The following PHF21B variants were observed in gnomAD, a reference collection of about 807,000 sequenced individuals.
The protein encoded by PHF21B is PHD finger protein 4.
A neutral mutation model predicts 62.2 loss-of-function variants in PHF21B; 22 were observed. That is an observed-to-expected ratio of 0.35 (90% CI 0.25 to 0.51). PHF21B has a LOEUF of 0.51. PHF21B is among the 20% of genes least tolerant of loss of function. The pLI, the probability that PHF21B is intolerant of heterozygous loss-of-function variation, is 0.97. For synonymous variants in PHF21B, 341 were observed against 314.7 expected, an observed-to-expected ratio of 1.08 and a Z score of -0.88; for missense variants, 701 against 707.9, an observed-to-expected ratio of 0.99 and a Z score of 0.11.
intron 2 of PHF21B, among the ~76,000 whole-genome samples, chr22:45,007,069 CT>C (rs2073327992): frequency 6.6e-6 from 1 of 151,796 alleles, no homozygotes; most frequent in Non-Finnish European, 1.5e-5. Context: ...GGAATGGAAG[CT>C]TCCACTCCCG....
intron 3 of PHF21B, among the ~76,000 whole-genome samples, chr22:44,917,506 C>A: frequency 6.6e-6 from 1 of 152,230 alleles, no homozygotes; most frequent in Middle Eastern, 3.4e-3. Flanking sequence ...GGGAGGTCCA[C>A]GCCAATATTA....
rs1036349236 is a variant in PHF21B, at chr22:44,885,519, C to G, written c.1284G>C (p.Glu428Asp). 3 of 1,594,352 alleles carry G rather than the reference C, an allele frequency of 1.9e-6. No individual in the cohort carries two copies. The African/African-American group carries it at 4.0e-5, about 21-fold the overall frequency. Residue 428 changes from glutamate to aspartate, a missense_variant, in exon 12 of 13, where the codon GAG (glutamate) becomes GAC (aspartate). By Grantham distance (45) the Glu-to-Asp change is conservative. Coordinates refer to ENST00000313237, the MANE Select transcript of PHF21B (RefSeq NM_138415.5). Reference protein sequence around the residue: ...SYVTHKTVKEEEKQKLLQRGS... With the variant: ...SYVTHKTVKEDEKQKLLQRGS... ...CTCGTTGCAGCAGCTTCTGCTTCTCCTCTTCTTTGACTAGAAAAGAGAAGG... is the reference window on the plus strand; with the variant it reads ...CTCGTTGCAGCAGCTTCTGCTTCTCGTCTTCTTTGACTAGAAAAGAGAAGG...
intron 2 of PHF21B, among the ~76,000 whole-genome samples, chr22:44,982,025 G>C (rs111439989): frequency 1.3e-5 from 2 of 152,200 alleles, no homozygotes; most frequent in East Asian, 3.9e-4. Flanking sequence ...TGGCAAATGC[G>C]GTTTCCCCAT....
chr22:45,009,167 G>A lies in PHF21B; in HGVS notation c.54+329C>T. 2.2e-6 allele frequency: 1 copy of A among 457,694 alleles called. No homozygotes were observed. 28.4% of individuals were successfully genotyped at this position (457,694 alleles called of 1,614,324 possible). A position where few individuals can be genotyped will look rare whatever the true frequency, so the allele number is the denominator to read the frequency against. On this transcript the variant is annotated intron_variant, in intron 1 of 12. Transcript: ENST00000313237. The surrounding 1 kb of genome is among the most constrained non-coding windows in gnomAD (Gnocchi z 5.9). ...GGGGAGGCCGGAAGGGGGCCTATTC[G>A]CACTCCCCTCCCCGGGACCGGCTCA...
At chr22:45,001,584 T>C (rs865919938) in intron 2 of PHF21B, among the ~76,000 whole-genome samples, 36 of 152,206 alleles carry the variant, frequency 2.4e-4, no homozygotes, top group African/African-American at 8.4e-4. Flanking sequence ...CTGTGGGCTA[T>C]ATCAAGTGAA....
chr22:45,005,588 C>T (rs749294968), intron 2 of PHF21B, among the ~76,000 whole-genome samples: 3 of 152,168 alleles, frequency 2.0e-5, no homozygotes, highest in Non-Finnish European at 4.4e-5. Flanking sequence ...AGAAAAACAT[C>T]GCGCTAAGGG....
At chr22:44,883,455 T>C in intron 12 of PHF21B, 151 bp from the exon 13 acceptor site, 1 of 692,824 alleles carries the variant, frequency 1.4e-6, no homozygotes, top group East Asian at 2.8e-5. Flanking sequence ...GTGGTGCAAA[T>C]GCAATTAAAG....
rs143751802 is a variant in PHF21B, at chr22:44,975,984, A to G, written c.120+32561T>C. Among the ~76,000 whole-genome samples the G allele has an allele frequency of 6.7e-4, 102 of 152,364 alleles. 1 individual carries two copies. The East Asian group carries it at 0.018, about 27-fold the overall frequency. On this transcript the variant is annotated intron_variant, in intron 2 of 12. Coordinates refer to ENST00000313237, the MANE Select transcript of PHF21B (RefSeq NM_138415.5). ...AGAGTTCGAGACCAGCCTGGGCAAC[A>G]TGGCGAAACCTCATCTCTACAAAAA...
chr22:44,943,194 A>G (rs912449732), intron 2 of PHF21B, among the ~76,000 whole-genome samples: 2 of 152,122 alleles, frequency 1.3e-5, no homozygotes, highest in East Asian at 1.9e-4. Context: ...CGCTCCCCCA[A>G]GCCTGGAGAA....
chr22:44,996,795 T>C (rs1271327264), intron 2 of PHF21B, among the ~76,000 whole-genome samples: 1 of 151,710 alleles, frequency 6.6e-6, no homozygotes, highest in Non-Finnish European at 1.5e-5. Flanking sequence ...CACACACACA[T>C]GCATACATGC....
chr22:44,920,472 C>T lies in PHF21B; in HGVS notation c.139G>A (p.Ala47Thr), dbSNP rs774894427. 2 of 1,612,060 alleles carry T rather than the reference C, an allele frequency of 1.2e-6. No homozygotes were observed. Among genetic ancestry groups the T allele is most frequent in the Non-Finnish European group, 1.7e-6 (2 of 1,178,834 alleles). ...SDKQALGTIT[A>T]VPVTGPQVSS... ...ACCTGAGGACCCGTGACAGGCACTG[C>T]AGTGATCGTTCCCAAAGCCTGAAAC... The change falls in exon 3 of 13, where the codon GCA becomes ACA. Residue 47 changes from alanine (A) to threonine (T), a missense_variant. By Grantham distance (58) the Ala-to-Thr change is moderately conservative. Coordinates refer to ENST00000313237, the MANE Select transcript of PHF21B (RefSeq NM_138415.5).
intron 2 of PHF21B, 75 bp downstream of exon 2, chr22:45,008,470 C>T: frequency 7.1e-7 from 1 of 1,407,152 alleles, no homozygotes; most frequent in Non-Finnish European, 9.5e-7. Flanking sequence ...CAGGCTGGCA[C>T]TTTTTAGGGC....
At chr22:44,918,819 A>G (rs533119159) in intron 3 of PHF21B, among the ~76,000 whole-genome samples, 1 of 152,348 alleles carries the variant, frequency 6.6e-6, no homozygotes, top group East Asian at 1.9e-4. Flanking sequence ...GCAGAGGGAA[A>G]TAGCACTGGC....
chr22:45,008,874 A>T (rs2073375232), intron 1 of PHF21B: 2 of 1,166,810 alleles, frequency 1.7e-6, no homozygotes, highest in Admixed American at 4.7e-5. Flanking sequence ...CGAGCCGTGC[A>T]AGTTTGCAGG....
intron 2 of PHF21B, among the ~76,000 whole-genome samples, chr22:44,973,749 G>A (rs2072683645): frequency 6.6e-6 from 1 of 152,202 alleles, no homozygotes; most frequent in Admixed American, 6.5e-5. Context: ...GCTTTCTCAA[G>A]ACAGTGTAAG....
intron 7 of PHF21B, 90 bp downstream of exon 7, chr22:44,893,367 G>C (rs1601570960): frequency 7.8e-7 from 1 of 1,285,210 alleles, no homozygotes. Context: ...GCTTAGGAAA[G>C]CGAATGAGGG....
chr22:44,914,048 TGGGTTGC>T lies in PHF21B; in HGVS notation c.598_604del (p.Ala200IlefsTer82), dbSNP rs1347652496. ...AGAGGAGGGGTGGAGGGGACAGTGA[TGGGTTGC>T]GGGGTGAGGGGAAGAGAGGAGGCGT... On this transcript the variant is annotated frameshift_variant, in exon 5 of 13. Transcript: ENST00000313237. LOFTEE classifies it high-confidence loss of function. The T allele has an allele frequency of 1.1e-6, 1 of 911,322 alleles. No homozygotes were observed. The highest frequency in any genetic ancestry group is 2.4e-5 in the African/African-American group (1 of 41,880). The allele number at this position is 911,322 out of a possible 1,614,324, so 56.5% of individuals were successfully genotyped here. A position where few individuals can be genotyped will look rare whatever the true frequency, so the allele number is the denominator to read the frequency against.
Position 44,893,474 on chromosome 22 carries a change from C to T in PHF21B, c.943G>A (p.Gly315Ser), listed in dbSNP as rs772871332. 1.8e-5 allele frequency: 29 copies of T among 1,601,056 alleles called. No homozygotes were observed. The highest frequency in any genetic ancestry group is 7.9e-5 in the South Asian group (7 of 88,436). ...RRSTANPAYS[G>S]LLETERKRLA... ...TTCCCCACCTCGGTCTCCAGGAGGC[C>T]GCTGTAGGCAGGGTTGGCTGTGCTT... Residue 315 changes from glycine (G) to serine (S), a missense_variant, in exon 7 of 13, where the codon GGC (glycine) becomes AGC (serine). By Grantham distance (56) the Gly-to-Ser change is moderately conservative. Coordinates refer to ENST00000313237, the MANE Select transcript of PHF21B (RefSeq NM_138415.5).
intron 2 of PHF21B, among the ~76,000 whole-genome samples, chr22:45,006,345 G>C (rs1291741444): frequency 6.6e-6 from 1 of 152,180 alleles, no homozygotes; most frequent in Non-Finnish European, 1.5e-5. Context: ...GAGAAAAAAA[G>C]TTTTCCTTGC....
Sources: allele counts gnomAD v4.1 joint callset (sites outside exome capture counted in the v4.1 genomes callset), GRCh38; gene constraint gnomAD v4.1.1; non-coding constraint Gnocchi (gnomAD v3.1); transcripts MANE v1.5; gene names NCBI Gene and HGNC (gene_info 2026-07-23, HGNC 2026-07-21).